NPSR1: variants seen among roughly 807,000 people sequenced by gnomAD.
The protein encoded by NPSR1 is neuropeptide S receptor.
In NPSR1, 48 loss-of-function variants were observed where a neutral mutation model predicts 46.9. The ratio of observed to expected loss-of-function variants is 1.02; its 90% CI spans 0.81 to 1.30. The LOEUF (loss-of-function observed/expected upper bound fraction) is 1.30, where lower values mean the gene tolerates loss of function less well. Ranked by LOEUF, NPSR1 falls within the 50% of genes most tolerant of loss-of-function variation. The pLI is 0.00. For missense variants in NPSR1, 450 were observed against 449.5 expected (o/e 1.00, Z -0.01); for synonymous variants, 176 against 168.1 (o/e 1.05, Z -0.36).
At chr7:34,752,318 C>T (rs538866471) in intron 2 of NPSR1, among the ~76,000 whole-genome samples, 26 of 152,168 alleles carry the variant, frequency 1.7e-4, no homozygotes, top group South Asian at 4.1e-4. Context: ...TATCTTGTCT[C>T]CTGCTAAATT....
At chr7:34,797,395 C>T (rs149079687) in intron 3 of NPSR1, among the ~76,000 whole-genome samples, 5 of 152,150 alleles carry the variant, frequency 3.3e-5, no homozygotes, top group East Asian at 3.9e-4. Context: ...TGCATGGAAG[C>T]GTGATGGTGA....
intron 3 of NPSR1, among the ~76,000 whole-genome samples, chr7:34,789,351 A>T (rs1384521558): frequency 6.6e-6 from 1 of 152,082 alleles, no homozygotes; most frequent in African/African-American, 2.4e-5. Flanking sequence ...ATCAATGAAG[A>T]GTTAGTTCTT....
chr7:34,689,376 C>T (rs571056593), intron 2 of NPSR1, among the ~76,000 whole-genome samples: 20 of 152,030 alleles, frequency 1.3e-4, no homozygotes, highest in South Asian at 2.1e-4. Context: ...GAGGCCAAGG[C>T]GGGCAGATCA....
intron 2 of NPSR1, among the ~76,000 whole-genome samples, chr7:34,761,847 G>A (rs1242818495): frequency 6.6e-6 from 1 of 152,214 alleles, no homozygotes; most frequent in Non-Finnish European, 1.5e-5. Context: ...ATGCTACCAT[G>A]CCTCAAGAAA....
At chr7:34,836,696 A>G (rs1790386312) in intron 6 of NPSR1, among the ~76,000 whole-genome samples, 2 of 146,874 alleles carry the variant, frequency 1.4e-5, no homozygotes, top group African/African-American at 5.0e-5. Context: ...GGGAGGGAGA[A>G]AGGAAGGAAG....
chr7:34,783,707 C>A (rs1787335011), intron 3 of NPSR1, among the ~76,000 whole-genome samples: 1 of 151,926 alleles, frequency 6.6e-6, no homozygotes, highest in Non-Finnish European at 1.5e-5. Flanking sequence ...TACACCAAGA[C>A]ATATTATAAT....
Position 34,658,407 on chromosome 7 carries a change from T to C in NPSR1, c.-6T>C. Reference sequence around the variant, plus strand: ...AAGGACAGTGAGGCTCAACCCCGCCTGAGCCATGCCAGCCAACTTCACAGA... The same window carrying C: ...AAGGACAGTGAGGCTCAACCCCGCCCGAGCCATGCCAGCCAACTTCACAGA... On this transcript the variant is annotated 5_prime_UTR_variant, in exon 1 of 9. Transcript: ENST00000360581. 4 of 1,613,624 alleles carry C rather than the reference T, an allele frequency of 2.5e-6. No homozygotes were observed. Among genetic ancestry groups the C allele is most frequent in the Non-Finnish European group, 3.4e-6 (4 of 1,179,926 alleles).
chr7:34,692,711 G>A (rs951634053), intron 2 of NPSR1, among the ~76,000 whole-genome samples: 4 of 151,980 alleles, frequency 2.6e-5, no homozygotes, highest in Non-Finnish European at 5.9e-5. Flanking sequence ...AAAGATCAGA[G>A]CACAATGACA....
intron 2 of NPSR1, among the ~76,000 whole-genome samples, chr7:34,763,202 A>T (rs957893098): frequency 6.6e-6 from 1 of 152,238 alleles, no homozygotes; most frequent in African/African-American, 2.4e-5. Flanking sequence ...CTTAAAATGC[A>T]GGGAGCTCTT....
chr7:34,673,336 G>T (rs952978588), intron 1 of NPSR1, among the ~76,000 whole-genome samples: 1 of 152,076 alleles, frequency 6.6e-6, no homozygotes, highest in African/African-American at 2.4e-5. Context: ...TATGGAATTT[G>T]ATTGTACAGA....
At chr7:34,834,552 CACAAGCAT>C in intron 6 of NPSR1, 92 bp downstream of exon 6, 1 of 878,112 alleles carries the variant, frequency 1.1e-6, no homozygotes, top group Non-Finnish European at 1.9e-6. Flanking sequence ...CTCCTTGATA[CACAAGCAT>C]ACAGGATCAT....
intron 2 of NPSR1, among the ~76,000 whole-genome samples, chr7:34,704,583 TAAAC>T (rs1794006481): frequency 6.6e-6 from 1 of 152,210 alleles, no homozygotes. Flanking sequence ...GCTGTGGAAT[TAAAC>T]AAAGACCATC....
At chr7:34,714,378 T>C (rs1783457503) in intron 2 of NPSR1, among the ~76,000 whole-genome samples, 1 of 152,188 alleles carries the variant, frequency 6.6e-6, no homozygotes, top group African/African-American at 2.4e-5. Flanking sequence ...TTGGGGGCCA[T>C]CTTTGGAGAC....
chr7:34,740,096 T>C (rs1430583689), intron 2 of NPSR1, among the ~76,000 whole-genome samples: 1 of 151,980 alleles, frequency 6.6e-6, no homozygotes, highest in Non-Finnish European at 1.5e-5. Context: ...TGTGGGTAAT[T>C]ATGGTGTGGT....
intron 6 of NPSR1, among the ~76,000 whole-genome samples, chr7:34,843,470 A>AAG (rs1268063337): frequency 6.6e-6 from 1 of 152,228 alleles, no homozygotes; most frequent in Non-Finnish European, 1.5e-5. Context: ...TCCACCTCCC[A>AAG]ATACTGTTAC....
At chr7:34,664,262 A>G (rs548583718) in intron 1 of NPSR1, among the ~76,000 whole-genome samples, 2 of 152,204 alleles carry the variant, frequency 1.3e-5, no homozygotes, top group Non-Finnish European at 2.9e-5. Flanking sequence ...GACTTTGGGC[A>G]CTTTACTTCC....
chr7:34,828,958 C>G (rs1192785585), intron 5 of NPSR1, among the ~76,000 whole-genome samples: 1 of 152,180 alleles, frequency 6.6e-6, no homozygotes, highest in Non-Finnish European at 1.5e-5. Flanking sequence ...TATTACCTTA[C>G]TAAATCTTTG....
chr7:34,690,567 A>G (rs1009735834), intron 2 of NPSR1, among the ~76,000 whole-genome samples: 2 of 152,198 alleles, frequency 1.3e-5, no homozygotes, highest in Admixed American at 1.3e-4. Flanking sequence ...TTTAAAAATT[A>G]TTGAAGGAAA....
intron 2 of NPSR1, among the ~76,000 whole-genome samples, chr7:34,733,066 A>G (rs1784501430): frequency 6.6e-6 from 1 of 152,258 alleles, no homozygotes; most frequent in Admixed American, 6.5e-5. Flanking sequence ...CAACTTAAAA[A>G]TTAGACAAAT....
Sources: allele counts gnomAD v4.1 joint callset (sites outside exome capture counted in the v4.1 genomes callset), GRCh38; gene constraint gnomAD v4.1.1; transcripts MANE v1.5; gene names NCBI Gene and HGNC (gene_info 2026-07-23, HGNC 2026-07-21).